Variants in ASPSCR1 observed in about 807,000 individuals in gnomAD.
The protein encoded by ASPSCR1 is ASPSCR1 tether for SLC2A4, UBX domain containing, also known as tether containing UBX domain for GLUT4.
A neutral mutation model predicts 68.9 loss-of-function variants in ASPSCR1; 55 were observed. That is an observed-to-expected ratio of 0.80 (90% CI 0.64 to 1.00). ASPSCR1 has a LOEUF of 1.00. ASPSCR1 is among the 50% of genes least tolerant of loss of function. The pLI, the probability that ASPSCR1 is intolerant of heterozygous loss-of-function variation, is 0.00. For synonymous variants in ASPSCR1, 352 were observed against 332.6 expected (o/e 1.06, Z -0.63); for missense variants, 765 against 762.2 (o/e 1.00, Z -0.04).
In ASPSCR1 at chr17:81,990,411, C is replaced by T. The variant is rs988038135; in HGVS notation, c.375-4410C>T. ...TTTTCCCTATAGTCTGAAGGTTCTG[C>T]CCAGCACAGAGGGGTGTGAACAGCC... is the stretch of plus-strand genomic sequence containing the variant. On this transcript the variant is annotated intron_variant, in intron 4 of 15. Transcript: ENST00000306739. The surrounding 1 kb of genome is among the most constrained non-coding windows in gnomAD (Gnocchi z 4.1). Among the ~76,000 whole-genome samples, 14 of 152,222 alleles carry T rather than the reference C, an allele frequency of 9.2e-5. No individual in the cohort carries two copies. Among genetic ancestry groups the T allele is most frequent in the Non-Finnish European group, 1.9e-4 (13 of 68,050 alleles).
At chr17:82,012,391 A>G in intron 12 of ASPSCR1, 108 bp downstream of exon 12, 1 of 1,328,484 alleles carries the variant, frequency 7.5e-7, no homozygotes, top group Non-Finnish European at 1.1e-6. Flanking sequence ...GCGCTGGGGC[A>G]GGATAATAAA....
chr17:81,997,334 G>T (rs1485367945), intron 7 of ASPSCR1, among the ~76,000 whole-genome samples: 1 of 152,138 alleles, frequency 6.6e-6, no homozygotes, highest in Non-Finnish European at 1.5e-5. Context: ...TAGAAAAGGG[G>T]TGGTAACTTC....
At chr17:82,009,340 C>A in intron 8 of ASPSCR1, 146 bp from the exon 9 acceptor site, 1 of 1,374,934 alleles carries the variant, frequency 7.3e-7, no homozygotes, top group Non-Finnish European at 9.7e-7. Flanking sequence ...AGGGTTGGGG[C>A]CCAGGGAGGG....
At chr17:82,013,257 G>C (rs2043012982) in intron 12 of ASPSCR1, 1 of 152,272 alleles carries the variant, frequency 6.6e-6, no homozygotes, top group African/African-American at 2.4e-5. Context: ...CTCCCTTGCT[G>C]GCCAGCCAGT....
chr17:82,016,594 T>C, intron 13 of ASPSCR1, 67 bp downstream of exon 13: 2 of 1,542,112 alleles, frequency 1.3e-6, no homozygotes, highest in Non-Finnish European at 1.8e-6. Context: ...CAGAGCCAGC[T>C]GCCCGGGAGG....
At chr17:81,979,381 T>A in intron 2 of ASPSCR1, 142 bp downstream of exon 2, 1 of 871,996 alleles carries the variant, frequency 1.1e-6, no homozygotes, top group Non-Finnish European at 1.8e-6. Context: ...CCCAAGGCCT[T>A]GGCAGGGCCA....
chr17:82,003,020 G>T (rs188774557), intron 7 of ASPSCR1, among the ~76,000 whole-genome samples: 15 of 152,194 alleles, frequency 9.9e-5, no homozygotes, highest in African/African-American at 3.6e-4. Flanking sequence ...GATTACAGGT[G>T]CCCGTTTAGT....
chr17:81,978,914 G>A (rs544966137), intron 1 of ASPSCR1: 4 of 545,756 alleles, frequency 7.3e-6, no homozygotes, highest in South Asian at 2.1e-5. Flanking sequence ...CCAGGAAGAT[G>A]CCCGTGTTGC....
intron 3 of ASPSCR1, 99 bp from the exon 4 acceptor site, chr17:81,985,408 G>C: frequency 7.8e-7 from 1 of 1,273,950 alleles, no homozygotes; most frequent in Non-Finnish European, 1.1e-6. Context: ...GGCCAGGGCG[G>C]GGCAGTCACC....
chr17:82,012,251 G>C lies in ASPSCR1; in HGVS notation c.1321G>C (p.Val441Leu), dbSNP rs758445596. Residue 441 changes from valine to leucine, a missense_variant, in exon 12 of 16, where the codon GTC becomes CTC. By Grantham distance (32) the Val-to-Leu change is conservative. Coordinates refer to ENST00000306739, the MANE Select transcript of ASPSCR1 (RefSeq NM_024083.4). ...FYLFITPPKTVLDDHTQTLFQ... is the reference protein window; with the variant it reads ...FYLFITPPKTLLDDHTQTLFQ... ...CTCAGTCATCACCCCTCCAAAAACA[G>C]TCCTGGACGACCACACGCAGACCCT... The C allele has an allele frequency of 6.2e-7, 1 of 1,613,670 alleles. No homozygotes were observed. The highest frequency in any genetic ancestry group is 8.5e-7 in the Non-Finnish European group (1 of 1,179,962).
rs148727843 is a variant in ASPSCR1, at chr17:81,983,235, G to A, written c.159-319G>A. Among the ~76,000 whole-genome samples, 212 of 152,304 alleles carry A rather than the reference G, an allele frequency of 1.4e-3. 1 individual carries two copies. Among genetic ancestry groups the A allele is most frequent in the African/African-American group, 4.7e-3 (194 of 41,578 alleles). On this transcript the variant is annotated intron_variant, in intron 2 of 15. Transcript: ENST00000306739. This position sits in a 1 kb window ranked among gnomAD's most constrained non-coding sequence, Gnocchi z 4.4. ...GTGCAGCAGTGTTCACGCCCCAGTC[G>A]TTCTCTCTGTGTTTTCCGAGCGTCT...
rs2041987056 is a variant in ASPSCR1, at chr17:81,986,170, G to C, written c.374+563G>C. 6.6e-6 allele frequency among the ~76,000 whole-genome samples: 1 copy of C among 152,120 alleles called. No individual in the cohort carries two copies. The highest frequency in any genetic ancestry group is 2.1e-4 in the South Asian group (1 of 4,820). Reference sequence around the variant, plus strand: ...GCTGGGCACAGTGGCTGGGCAAAGTGGCTTGCACTTTGGAAGGCCGAGGCT... The same window carrying C: ...GCTGGGCACAGTGGCTGGGCAAAGTCGCTTGCACTTTGGAAGGCCGAGGCT... On this transcript the variant is annotated intron_variant, in intron 4 of 15. Transcript: ENST00000306739. This position sits in a 1 kb window ranked among gnomAD's most constrained non-coding sequence, Gnocchi z 5.2.
In ASPSCR1 at chr17:81,990,487, C is replaced by A. The variant is rs940018111; in HGVS notation, c.375-4334C>A. Among the ~76,000 whole-genome samples the A allele has an allele frequency of 6.6e-6, 1 of 152,060 alleles. No homozygotes were observed. Among genetic ancestry groups the A allele is most frequent in the African/African-American group, 2.4e-5 (1 of 41,382 alleles). On this transcript the variant is annotated intron_variant, in intron 4 of 15. Coordinates refer to ENST00000306739, the MANE Select transcript of ASPSCR1 (RefSeq NM_024083.4). This position sits in a 1 kb window ranked among gnomAD's most constrained non-coding sequence, Gnocchi z 4.1. ...CTCCGCCTGCCTGGTGGGCCTGTGTCTGAGTTTGGGATCTTCCACGCCGAG... is the reference window on the plus strand; with the variant it reads ...CTCCGCCTGCCTGGTGGGCCTGTGTATGAGTTTGGGATCTTCCACGCCGAG...
rs1598440100 is a variant in ASPSCR1 at position 82,016,207 on chromosome 17, T to C, written c.1354-269T>C. On this transcript the variant is annotated intron_variant, in intron 12 of 15. Coordinates refer to ENST00000306739, the MANE Select transcript of ASPSCR1 (RefSeq NM_024083.4). ...GAGGAGGGAGGACGGTGATGCTGCA[T>C]GGCTTGAGGACCCTCGAGGCCCCAG... The C allele has an allele frequency of 2.5e-5, 13 of 515,408 alleles. No individual in the cohort carries two copies. The East Asian group carries it at 4.0e-4, about 16-fold the overall frequency. 31.9% of individuals were successfully genotyped at this position (515,408 alleles called of 1,614,324 possible).
rs535029422 is a variant in ASPSCR1, at chr17:81,986,548, G to A, written c.374+941G>A. On this transcript the variant is annotated intron_variant, in intron 4 of 15. Transcript: ENST00000306739. This position sits in a 1 kb window ranked among gnomAD's most constrained non-coding sequence, Gnocchi z 5.2. ...CTTTGTCAATTTGGGTCTTTTCATCGTTGGCTGGAAGTCTCTGTCCACAGT... is the reference window on the plus strand; with the variant it reads ...CTTTGTCAATTTGGGTCTTTTCATCATTGGCTGGAAGTCTCTGTCCACAGT... 5.3e-5 allele frequency among the ~76,000 whole-genome samples: 8 copies of A among 152,320 alleles called. No individual in the cohort carries two copies. The highest frequency in any genetic ancestry group is 2.1e-4 in the South Asian group (1 of 4,830).
In ASPSCR1 at chr17:81,999,551, C is replaced by T. The variant is rs1174552844; in HGVS notation, c.933+2705C>T. On this transcript the variant is annotated intron_variant, in intron 7 of 15. Transcript: ENST00000306739. This position sits in a 1 kb window ranked among gnomAD's most constrained non-coding sequence, Gnocchi z 4.4. ...CTGAGGCAGGAGAATCTCTTGAACC[C>T]GGGAGGCGGAGGTTGCAGTGAGCCG... Among the ~76,000 whole-genome samples the T allele has an allele frequency of 6.6e-6, 1 of 150,652 alleles. No individual in the cohort carries two copies. Among genetic ancestry groups the T allele is most frequent in the African/African-American group, 2.4e-5 (1 of 40,830 alleles).
chr17:82,015,230 C>A, intron 12 of ASPSCR1: 1 of 1,598,280 alleles, frequency 6.3e-7, no homozygotes, highest in Admixed American at 1.7e-5. Flanking sequence ...GAGGCCGAGC[C>A]TCTCCAAGCA....
chr17:82,008,713 C>G (rs1327738124), intron 7 of ASPSCR1: 4 of 288,240 alleles, frequency 1.4e-5, no homozygotes, highest in Non-Finnish European at 1.9e-5. Flanking sequence ...CCCTCCCCCC[C>G]ATGGAGACCC....
chr17:81,994,782 GC>G, intron 4 of ASPSCR1, 38 bp from the exon 5 acceptor site: 1 of 1,604,276 alleles, frequency 6.2e-7, no homozygotes, highest in Non-Finnish European at 8.5e-7. Context: ...TGGTTGAGCT[GC>G]CCTGGGGTAC....
Sources: gnomAD v4.1 joint callset for allele counts (sites outside exome capture counted in the v4.1 genomes callset) on GRCh38, gnomAD v4.1.1 for gene constraint, Gnocchi (gnomAD v3.1) non-coding constraint, MANE v1.5 for transcripts, NCBI Gene and HGNC (gene_info 2026-07-23, HGNC 2026-07-21) for gene names.